The following TSGA10 variants were observed in gnomAD, a reference collection of about 807,000 sequenced individuals.
The protein encoded by TSGA10 is testis-specific gene 10 protein.
A neutral mutation model predicts 96.6 loss-of-function variants in TSGA10; 43 were observed. The ratio of observed to expected loss-of-function variants is 0.44; its 90% CI spans 0.35 to 0.57. The LOEUF is 0.57. Ranked by LOEUF, TSGA10 falls within the 20% of genes least tolerant of loss-of-function variation. The pLI, the probability that TSGA10 is intolerant of heterozygous loss-of-function variation, is 0.01. For synonymous variants in TSGA10, 229 were observed against 269.9 expected (o/e 0.85, Z 1.48); for missense variants, 703 against 834.4 (o/e 0.84, Z 1.94).
intron 10 of TSGA10, among the ~76,000 whole-genome samples, chr2:99,088,972 A>T (rs2088928110): frequency 6.6e-6 from 1 of 152,204 alleles, no homozygotes; most frequent in Non-Finnish European, 1.5e-5. Flanking sequence ...TTGCTTCAAG[A>T]ACTACAGAAG....
In TSGA10 at chr2:99,018,647, A is replaced by G. The variant is rs1197235361; in HGVS notation, c.1818-7T>C. The G allele has an allele frequency of 1.9e-6, 3 of 1,605,688 alleles. No homozygotes were observed. The East Asian group carries it at 6.7e-5, about 36-fold the overall frequency. ...ATCTCTACTCTGGATGGCCCTGTTT[A>G]AAAGAAGATAAGAGTTATAGTTGAC... On this transcript the variant is annotated splice_region_variant and splice_polypyrimidine_tract_variant and intron_variant, in intron 18 of 20. Transcript: ENST00000393483.
Position 99,004,705 on chromosome 2 carries a change from C to A in TSGA10, c.2073-6484G>T, listed in dbSNP as rs2078301659. On this transcript the variant is annotated intron_variant, in intron 20 of 20. Transcript: ENST00000393483. ...CAGATGGATTCACAGCCGAATTCTA[C>A]CAGAGGTACAAGAAGGAGCTGGTAC... is the stretch of plus-strand genomic sequence containing the variant. Among the ~76,000 whole-genome samples the A allele has an allele frequency of 2.0e-5, 3 of 152,062 alleles. No homozygotes were observed. The South Asian group carries it at 6.2e-4, about 32-fold the overall frequency.
chr2:99,152,830 A>C (rs1471848179), intron 1 of TSGA10, among the ~76,000 whole-genome samples: 1 of 152,268 alleles, frequency 6.6e-6, no homozygotes, highest in African/African-American at 2.4e-5. Context: ...GCCTTTATGC[A>C]TGCAGGATCC....
intron 14 of TSGA10, among the ~76,000 whole-genome samples, chr2:99,071,419 T>A (rs896016884): frequency 2.6e-5 from 4 of 152,102 alleles, no homozygotes; most frequent in Admixed American, 6.5e-5. Context: ...TTAAGGTTTC[T>A]CAAGGTTTTT....
intron 1 of TSGA10, among the ~76,000 whole-genome samples, chr2:99,134,404 C>T (rs938415066): frequency 6.6e-6 from 1 of 152,082 alleles, no homozygotes; most frequent in Non-Finnish European, 1.5e-5. Context: ...TCACCAAGTT[C>T]TCACGCTGTG....
intron 10 of TSGA10, among the ~76,000 whole-genome samples, chr2:99,084,257 T>C (rs565175306): frequency 6.6e-6 from 1 of 152,328 alleles, no homozygotes; most frequent in South Asian, 2.1e-4. Context: ...TGGATGTTTG[T>C]CCGCTACAAA....
intron 16 of TSGA10, among the ~76,000 whole-genome samples, chr2:99,046,980 G>A (rs1449151641): frequency 2.0e-5 from 3 of 152,038 alleles, no homozygotes; most frequent in Non-Finnish European, 2.9e-5. Context: ...TAGAAGAAAC[G>A]GATAAATTCC....
chr2:99,084,173 C>T (rs1391863815), intron 10 of TSGA10, among the ~76,000 whole-genome samples: 1 of 152,146 alleles, frequency 6.6e-6, no homozygotes, highest in East Asian at 1.9e-4. Flanking sequence ...ATTAACATCA[C>T]TATTGTTTTT....
At chr2:99,107,944 C>T (rs2091490159) in intron 7 of TSGA10, among the ~76,000 whole-genome samples, 1 of 152,074 alleles carries the variant, frequency 6.6e-6, no homozygotes, top group Admixed American at 6.6e-5. Context: ...TAGTCTTAAA[C>T]CAATTTATTT....
intron 20 of TSGA10, among the ~76,000 whole-genome samples, chr2:99,006,700 C>T (rs2078512008): frequency 6.6e-6 from 1 of 152,174 alleles, no homozygotes; most frequent in African/African-American, 2.4e-5. Flanking sequence ...GTTGGTGGGA[C>T]TGTAAACTAG....
chr2:99,022,612 A>G (rs2080147865), intron 17 of TSGA10, among the ~76,000 whole-genome samples: 1 of 152,140 alleles, frequency 6.6e-6, no homozygotes, highest in African/African-American at 2.4e-5. Context: ...TATTTGACTT[A>G]TTATACTTTG....
intron 7 of TSGA10, among the ~76,000 whole-genome samples, chr2:99,106,168 G>A (rs914117241): frequency 5.3e-5 from 8 of 152,134 alleles, no homozygotes; most frequent in Non-Finnish European, 1.5e-5. Flanking sequence ...CAGAGTCTCT[G>A]CACGTCTGTT....
chr2:99,086,987 G>A (rs748598845), intron 10 of TSGA10, among the ~76,000 whole-genome samples: 13 of 151,496 alleles, frequency 8.6e-5, no homozygotes, highest in South Asian at 8.3e-4. Flanking sequence ...GGCGAATCAC[G>A]AGGTCAGGAG....
At chr2:99,067,444 A>T (rs1465388195) in intron 15 of TSGA10, among the ~76,000 whole-genome samples, 2 of 152,234 alleles carry the variant, frequency 1.3e-5, no homozygotes, top group Non-Finnish European at 2.9e-5. Context: ...GTCTGAAAAT[A>T]TAATTCTAGA....
intron 20 of TSGA10, among the ~76,000 whole-genome samples, chr2:98,999,409 G>A (rs1440685482): frequency 6.6e-6 from 1 of 152,156 alleles, no homozygotes; most frequent in African/African-American, 2.4e-5. Context: ...TAGAGAGGCA[G>A]GAAACAGAGC....
chr2:99,100,692 C>T (rs1295657794), intron 10 of TSGA10, among the ~76,000 whole-genome samples: 2 of 151,576 alleles, frequency 1.3e-5, no homozygotes, highest in South Asian at 2.1e-4. Context: ...CGGTGGCGGG[C>T]GCCTGTAGTC....
chr2:99,064,230 A>C (rs1271316631), intron 16 of TSGA10, among the ~76,000 whole-genome samples: 8 of 152,214 alleles, frequency 5.3e-5, no homozygotes, highest in Admixed American at 5.2e-4. Flanking sequence ...TCACAGAAAA[A>C]AGTGAAAAAA....
At chr2:98,998,467 C>T (rs1408249437) in intron 20 of TSGA10, among the ~76,000 whole-genome samples, 4 of 152,138 alleles carry the variant, frequency 2.6e-5, no homozygotes, top group African/African-American at 7.2e-5. Flanking sequence ...TTGGATGGAT[C>T]TCACGGGCAT....
Position 99,154,880 on chromosome 2 carries a change from G to A in TSGA10, c.-808C>T. 1 of 367,442 alleles carries A rather than the reference G, an allele frequency of 2.7e-6. No individual in the cohort carries two copies. Among genetic ancestry groups the A allele is most frequent in the South Asian group, 1.9e-5 (1 of 51,814 alleles). The allele number at this position is 367,442 out of a possible 1,614,324, so 22.8% of individuals were successfully genotyped here. The stretch of plus-strand genomic sequence containing the variant: ...GCCGGGACCCCACGGCTCCGCAGGC[G>A]GAGAGACTAGGCGCGATCCCTGCGC... On this transcript the variant is annotated 5_prime_UTR_variant, in exon 1 of 21. Transcript: ENST00000393483.
Sources: gnomAD v4.1 joint callset for allele counts (sites outside exome capture counted in the v4.1 genomes callset) on GRCh38, gnomAD v4.1.1 for gene constraint, MANE v1.5 for transcripts, NCBI Gene and HGNC (gene_info 2026-07-23, HGNC 2026-07-21) for gene names.